Variants in SYT16 observed in about 807,000 individuals in gnomAD.
SYT16 encodes synaptotagmin-16.
SYT16 carries 42 observed loss-of-function variants against 61.4 expected under a neutral mutation model. That is an observed-to-expected ratio of 0.68 (90% CI 0.53 to 0.89). The LOEUF (loss-of-function observed/expected upper bound fraction) is 0.89. SYT16 is among the 40% of genes least tolerant of loss of function. The pLI is 0.00. For synonymous variants in SYT16, 314 were observed against 302.3 expected, an observed-to-expected ratio of 1.04 and a Z score of -0.40; for missense variants, 804 against 807.3, an observed-to-expected ratio of 1.00 and a Z score of 0.05.
intron 1 of SYT16, among the ~76,000 whole-genome samples, chr14:61,917,253 T>G (rs761203665): frequency 2.6e-5 from 4 of 152,174 alleles, no homozygotes; most frequent in Non-Finnish European, 5.9e-5. Context: ...TTGCCTTGTT[T>G]ACACAGCATC....
chr14:62,087,983 A>AC (rs2056944406), intron 7 of SYT16, among the ~76,000 whole-genome samples: 1 of 152,202 alleles, frequency 6.6e-6, no homozygotes, highest in Non-Finnish European at 1.5e-5. Context: ...TGCACCAAGT[A>AC]TTGGTGAGGA....
chr14:62,095,584 A>G lies in SYT16; in HGVS notation c.1625-4810A>G, dbSNP rs141388958. Among the ~76,000 whole-genome samples the G allele has an allele frequency of 4.4e-3, 670 of 151,900 alleles. 2 individuals carry two copies. The highest frequency in any genetic ancestry group is 6.9e-3 in the Non-Finnish European group (470 of 67,782). On this transcript the variant is annotated intron_variant, in intron 7 of 7. Coordinates refer to ENST00000683842, the MANE Select transcript of SYT16 (RefSeq NM_001367656.1). ...CAACAGAACTTTATGAAAGACACAA[A>G]CAGAAACTATATACACACACACACA...
chr14:61,827,198 G>C (rs1316109114), intron 1 of SYT16, among the ~76,000 whole-genome samples: 1 of 152,128 alleles, frequency 6.6e-6, no homozygotes, highest in Non-Finnish European at 1.5e-5. Context: ...TTGGCTCTCT[G>C]TACATCCTTT....
intron 1 of SYT16, among the ~76,000 whole-genome samples, chr14:61,853,426 A>G (rs951134782): frequency 2.0e-5 from 3 of 152,194 alleles, no homozygotes; most frequent in African/African-American, 7.2e-5. Flanking sequence ...TTGAAATCCT[A>G]ACCCTCAAGA....
chr14:61,929,199 G>C (rs973689221), intron 1 of SYT16, among the ~76,000 whole-genome samples: 3 of 152,180 alleles, frequency 2.0e-5, no homozygotes, highest in African/African-American at 7.2e-5. Context: ...GTAACAGCTG[G>C]TGGAGCAGCT....
At chr14:61,902,547 A>G (rs550655674) in intron 1 of SYT16, among the ~76,000 whole-genome samples, 14 of 152,308 alleles carry the variant, frequency 9.2e-5, no homozygotes, top group Admixed American at 5.9e-4. Context: ...GTCTTAAAGC[A>G]ATAGCAATTT....
chr14:61,837,768 G>T (rs193100045), intron 1 of SYT16, among the ~76,000 whole-genome samples: 1 of 152,276 alleles, frequency 6.6e-6, no homozygotes, highest in African/African-American at 2.4e-5. Context: ...TGCTTCTGGC[G>T]TGCAGAGTCA....
chr14:61,893,139 A>G (rs2048199483), intron 1 of SYT16, among the ~76,000 whole-genome samples: 2 of 152,228 alleles, frequency 1.3e-5, no homozygotes, highest in Non-Finnish European at 2.9e-5. Context: ...TGATCTTACC[A>G]GAAGAGATAC....
intron 1 of SYT16, among the ~76,000 whole-genome samples, chr14:61,898,227 C>T (rs568039838): frequency 1.3e-5 from 2 of 152,210 alleles, no homozygotes; most frequent in South Asian, 2.1e-4. Context: ...TTGAATTCTT[C>T]CCTGTAATTC....
At chr14:61,919,295 A>G (rs1487715155) in intron 1 of SYT16, among the ~76,000 whole-genome samples, 47 of 152,158 alleles carry the variant, frequency 3.1e-4, no homozygotes, top group Admixed American at 3.1e-3. Context: ...TTCTGCTTCT[A>G]GTGTTTTACC....
chr14:61,910,578 T>C (rs1311149503), intron 1 of SYT16, among the ~76,000 whole-genome samples: 2 of 149,972 alleles, frequency 1.3e-5, no homozygotes, highest in African/African-American at 4.9e-5. Flanking sequence ...TCACCCAGGC[T>C]GGAGTACAGT....
Position 61,939,114 on chromosome 14 carries a change from A to G in SYT16, c.-324-31018A>G, listed in dbSNP as rs144625030. 8.7e-3 allele frequency among the ~76,000 whole-genome samples: 1,324 copies of G among 152,316 alleles called. 20 individuals are homozygous for G. Among genetic ancestry groups the G allele is most frequent in the African/African-American group, 0.03 (1,233 of 41,562 alleles). ...CGTGCCACTGCACTCCAGCCTGGGC[A>G]ACAGAGTGAGACTTGGTCTCAAATA... is the stretch of plus-strand genomic sequence containing the variant. On this transcript the variant is annotated intron_variant, in intron 1 of 7. Coordinates refer to ENST00000683842, the MANE Select transcript of SYT16 (RefSeq NM_001367656.1).
At chr14:61,855,566 G>C (rs2046747648) in intron 1 of SYT16, among the ~76,000 whole-genome samples, 1 of 152,082 alleles carries the variant, frequency 6.6e-6, no homozygotes, top group African/African-American at 2.4e-5. Context: ...AAACAGGATG[G>C]TTTTGTGGGT....
intron 1 of SYT16, among the ~76,000 whole-genome samples, chr14:61,870,542 T>A (rs1390393314): frequency 6.6e-6 from 1 of 152,152 alleles, no homozygotes; most frequent in Non-Finnish European, 1.5e-5. Context: ...TTTGGCCAAT[T>A]GTTTCTTCAA....
chr14:62,019,142 A>G (rs561197424), intron 3 of SYT16, among the ~76,000 whole-genome samples: 164 of 152,322 alleles, frequency 1.1e-3, no homozygotes, highest in African/African-American at 3.8e-3. Flanking sequence ...TCACTTCACA[A>G]TGCCTTAGAA....
In SYT16 at chr14:62,107,935, A is replaced by G. The variant is rs1421269535; in HGVS notation, c.*7228A>G. ...AATGCTAGGTCTGTACAAACTTGACACATTTCTTACAAGCTCTGTGTTTTA... is the reference window on the plus strand; with the variant it reads ...AATGCTAGGTCTGTACAAACTTGACGCATTTCTTACAAGCTCTGTGTTTTA... On this transcript the variant is annotated 3_prime_UTR_variant, in exon 8 of 8. Coordinates refer to ENST00000683842, the MANE Select transcript of SYT16 (RefSeq NM_001367656.1). 2 of 152,234 alleles carry G rather than the reference A, an allele frequency of 1.3e-5. No individual in the cohort carries two copies. Among genetic ancestry groups the G allele is most frequent in the African/African-American group, 4.8e-5 (2 of 41,458 alleles). The allele number at this position is 152,234 out of a possible 1,614,324, so 9.4% of individuals were successfully genotyped here. A position where few individuals can be genotyped will look rare whatever the true frequency, so the allele number is the denominator to read the frequency against.
intron 2 of SYT16, among the ~76,000 whole-genome samples, chr14:61,993,705 G>A (rs1011344677): frequency 6.6e-6 from 1 of 151,918 alleles, no homozygotes; most frequent in African/African-American, 2.4e-5. Context: ...AATGGCAAAA[G>A]GATCTTTACT....
rs184614098 is a variant in SYT16, at chr14:61,899,079, G to A, written c.-324-71053G>A. Among the ~76,000 whole-genome samples the A allele has an allele frequency of 1.1e-4, 16 of 152,148 alleles. No individual in the cohort carries two copies. In the East Asian group the frequency reaches 2.9e-3, roughly 27 times the overall value. On this transcript the variant is annotated intron_variant, in intron 1 of 7. Transcript: ENST00000683842. ...TACATTTATTTTATATTTTGTGCTG[G>A]GTATTCTGCATATGATTTTCATGTA... is the stretch of plus-strand genomic sequence containing the variant.
At chr14:62,015,131 T>A (rs2053618059) in intron 3 of SYT16, among the ~76,000 whole-genome samples, 1 of 152,216 alleles carries the variant, frequency 6.6e-6, no homozygotes, top group Admixed American at 6.5e-5. Context: ...TATGTTCCGA[T>A]AGCATGTTAC....
Sources: gnomAD v4.1 joint callset for allele counts (sites outside exome capture counted in the v4.1 genomes callset) on GRCh38, gnomAD v4.1.1 for gene constraint, MANE v1.5 for transcripts, NCBI Gene and HGNC (gene_info 2026-07-23, HGNC 2026-07-21) for gene names.